NALCN: variants seen among roughly 807,000 people sequenced by gnomAD.
The protein encoded by NALCN is sodium leak channel, non-selective, also known as sodium leak channel NALCN.
A neutral mutation model predicts 225.3 loss-of-function variants in NALCN; 111 were observed. The ratio of observed to expected loss-of-function variants is 0.49; its 90% CI spans 0.42 to 0.58. NALCN has a LOEUF of 0.58. Among genes scored for constraint, NALCN ranks in the 20% least tolerant of loss-of-function variants. The pLI is 0.00. For synonymous variants in NALCN, 764 were observed against 769.0 expected (o/e 0.99, Z 0.11); for missense variants, 1,378 against 2,202.4 (o/e 0.63, Z 7.49).
At chr13:101,261,504 T>G (rs1005300348) in intron 10 of NALCN, among the ~76,000 whole-genome samples, 1 of 152,210 alleles carries the variant, frequency 6.6e-6, no homozygotes, top group Non-Finnish European at 1.5e-5. Context: ...TTTTCCATTT[T>G]TGGTGTCCTC....
At chr13:101,217,124 G>A (rs1294813345) in intron 13 of NALCN, among the ~76,000 whole-genome samples, 3 of 150,256 alleles carry the variant, frequency 2.0e-5, no homozygotes, top group South Asian at 2.1e-4. Flanking sequence ...GTAATTTAGA[G>A]GCAGTTGCTT....
At chr13:101,346,081 C>CTATA (rs1465953187) in intron 6 of NALCN, among the ~76,000 whole-genome samples, 36 of 88,768 alleles carry the variant, frequency 4.1e-4, no homozygotes, top group East Asian at 1.9e-3. Flanking sequence ...CTCTCTCTCT[C>CTATA]TCTCTCTATA....
At chr13:101,287,565 A>G (rs1434372763) in intron 9 of NALCN, among the ~76,000 whole-genome samples, 2 of 152,240 alleles carry the variant, frequency 1.3e-5, no homozygotes, top group Non-Finnish European at 2.9e-5. Flanking sequence ...AAATTAAATA[A>G]GACAGTTTGT....
At chr13:101,179,336 C>A (rs375395692) in intron 14 of NALCN, among the ~76,000 whole-genome samples, 1 of 152,064 alleles carries the variant, frequency 6.6e-6, no homozygotes, top group African/African-American at 2.4e-5. Context: ...TAATTCTCCC[C>A]GAGCAACCCT....
chr13:101,367,583 T>A (rs1283651376), intron 6 of NALCN, among the ~76,000 whole-genome samples: 1 of 152,108 alleles, frequency 6.6e-6, no homozygotes, highest in African/African-American at 2.4e-5. Flanking sequence ...TAATAAATAT[T>A]AAATTAATGA....
At chr13:101,345,167 A>T in intron 7 of NALCN, 99 bp downstream of exon 7, 2 of 1,232,022 alleles carry the variant, frequency 1.6e-6, no homozygotes, top group Non-Finnish European at 2.3e-6. Context: ...TCTATACTAC[A>T]GCCAGTCAAA....
At chr13:101,115,274 T>C (rs1358461209) in intron 18 of NALCN, among the ~76,000 whole-genome samples, 4 of 152,096 alleles carry the variant, frequency 2.6e-5, no homozygotes, top group African/African-American at 9.7e-5. Context: ...AAAAAAGACA[T>C]TGCTTCTTAC....
intron 15 of NALCN, among the ~76,000 whole-genome samples, chr13:101,148,716 A>T (rs2037480990): frequency 6.6e-6 from 1 of 152,218 alleles, no homozygotes; most frequent in Admixed American, 6.5e-5. Context: ...AGCTGAGCAA[A>T]TATTCAGTGA....
intron 7 of NALCN, among the ~76,000 whole-genome samples, chr13:101,309,458 GA>G (rs551593788): frequency 4.4e-4 from 67 of 152,284 alleles, no homozygotes; most frequent in Middle Eastern, 3.4e-3. Context: ...CACATAGTTT[GA>G]TAAAATGTAG....
At chr13:101,161,586 G>A (rs1357115647) in intron 15 of NALCN, among the ~76,000 whole-genome samples, 1 of 152,122 alleles carries the variant, frequency 6.6e-6, no homozygotes, top group Admixed American at 6.5e-5. Context: ...AAAGGTAAAT[G>A]TTCTGGCTGG....
chr13:101,080,381 A>G (rs2033546350), intron 34 of NALCN, among the ~76,000 whole-genome samples: 1 of 152,016 alleles, frequency 6.6e-6, no homozygotes, highest in South Asian at 2.1e-4. Flanking sequence ...AGATACAAGG[A>G]TACTACTTAT....
chr13:101,313,377 T>TAA (rs1175852132), intron 7 of NALCN, among the ~76,000 whole-genome samples: 2 of 152,060 alleles, frequency 1.3e-5, no homozygotes, highest in Non-Finnish European at 2.9e-5. Context: ...AAAGAAACCG[T>TAA]CATCAGAGTG....
intron 10 of NALCN, among the ~76,000 whole-genome samples, chr13:101,279,837 AAATAAATAAAT>A (rs1447388518): frequency 5.3e-3 from 65 of 12,256 alleles, no homozygotes; most frequent in East Asian, 0.013. Context: ...TAAATAAATA[AAATAAATAAAT>A]AAATAAATAA....
At chr13:101,183,869 C>G (rs961570192) in intron 14 of NALCN, among the ~76,000 whole-genome samples, 2 of 152,028 alleles carry the variant, frequency 1.3e-5, no homozygotes, top group East Asian at 3.9e-4. Flanking sequence ...CCTCTTGAAC[C>G]CTGCTAAGTA....
chr13:101,073,472 T>C (rs1293559299), intron 37 of NALCN, 112 bp downstream of exon 37: 4 of 813,208 alleles, frequency 4.9e-6, no homozygotes, highest in Non-Finnish European at 3.8e-6. Context: ...TCAGGATTTA[T>C]ATTTCATACA....
intron 18 of NALCN, among the ~76,000 whole-genome samples, chr13:101,111,705 G>A (rs1346669998): frequency 6.6e-6 from 1 of 152,120 alleles, no homozygotes; most frequent in Non-Finnish European, 1.5e-5. Context: ...AAGATCTGAT[G>A]GTTTTAAAAA....
chr13:101,319,135 G>A (rs1480800446), intron 7 of NALCN, among the ~76,000 whole-genome samples: 1 of 152,166 alleles, frequency 6.6e-6, no homozygotes, highest in Non-Finnish European at 1.5e-5. Flanking sequence ...TAGCAGGACT[G>A]TGGATGAGCC....
chr13:101,096,794 C>T lies in NALCN; in HGVS notation c.3163-1114G>A, dbSNP rs558433816. Among the ~76,000 whole-genome samples, 36 of 152,222 alleles carry T rather than the reference C, an allele frequency of 2.4e-4. 1 individual carries two copies. In the South Asian group the frequency reaches 3.5e-3, roughly 15 times the overall value. On this transcript the variant is annotated intron_variant, in intron 27 of 43. Transcript: ENST00000251127. ...TCTATAGGAAGTTTTTGACTCATTT[C>T]CTATTCTCCCTTTGGTTATTTTTGT...
At chr13:101,160,130 A>AT (rs763969924) in intron 15 of NALCN, among the ~76,000 whole-genome samples, 34 of 151,850 alleles carry the variant, frequency 2.2e-4, no homozygotes, top group African/African-American at 7.0e-4. Context: ...AATTTTTTGT[A>AT]TTTTTAGTAG....
Sources: allele counts gnomAD v4.1 joint callset (sites outside exome capture counted in the v4.1 genomes callset), GRCh38; gene constraint gnomAD v4.1.1; transcripts MANE v1.5; gene names NCBI Gene and HGNC (gene_info 2026-07-23, HGNC 2026-07-21).